IL6R: variants seen among roughly 807,000 people sequenced by gnomAD.
IL6R encodes interleukin 6 receptor.
A neutral mutation model predicts 48.3 loss-of-function variants in IL6R; 38 were observed. That is an observed-to-expected ratio of 0.79 (90% CI 0.61 to 1.03). The LOEUF is 1.03. Among genes scored for constraint, IL6R ranks in the 50% least tolerant of loss-of-function variants. The probability of loss-of-function intolerance (pLI) is 0.00; values close to 1 mark genes in which losing one functional copy is unlikely to be tolerated. For missense variants in IL6R, 534 were observed against 618.3 expected, an observed-to-expected ratio of 0.86 and a Z score of 1.45; for synonymous variants, 264 against 256.2, an observed-to-expected ratio of 1.03 and a Z score of -0.29.
chr1:154,410,770 C>A (rs1687976644), intron 1 of IL6R, among the ~76,000 whole-genome samples: 1 of 152,176 alleles, frequency 6.6e-6, no homozygotes, highest in South Asian at 2.1e-4. Flanking sequence ...GGCCCTGCAT[C>A]CAGCCTATTC....
chr1:154,458,005 C>T (rs1215731966), intron 9 of IL6R, among the ~76,000 whole-genome samples: 6 of 131,212 alleles, frequency 4.6e-5, no homozygotes, highest in South Asian at 4.7e-4. Context: ...CTCGCTTTGT[C>T]GCCCAGGCTG....
At chr1:154,450,229 G>A (rs79005122) in intron 8 of IL6R, among the ~76,000 whole-genome samples, 10 of 151,808 alleles carry the variant, frequency 6.6e-5, no homozygotes, top group South Asian at 2.1e-4. Flanking sequence ...GAGTTCAAGC[G>A]ATTCTCCTGC....
intron 6 of IL6R, among the ~76,000 whole-genome samples, chr1:154,444,679 C>T (rs1183693254): frequency 6.6e-6 from 1 of 152,120 alleles, no homozygotes; most frequent in Non-Finnish European, 1.5e-5. Flanking sequence ...GGGAGGATTG[C>T]CTGAGCCCAG....
intron 1 of IL6R, among the ~76,000 whole-genome samples, chr1:154,419,028 T>C (rs145909430): frequency 0.014 from 2,077 of 151,910 alleles, 20 homozygotes; most frequent in Non-Finnish European, 0.021. Context: ...AGAAGGGAGC[T>C]GGGGGTGGAG....
chr1:154,451,041 T>A (rs2149264937), intron 8 of IL6R, among the ~76,000 whole-genome samples: 1 of 152,214 alleles, frequency 6.6e-6, no homozygotes, highest in Non-Finnish European at 1.5e-5. Flanking sequence ...AAGAGTAAAT[T>A]GGTAACTGTG....
chr1:154,438,005 C>T (rs113588579), intron 6 of IL6R, among the ~76,000 whole-genome samples: 2,182 of 152,088 alleles, frequency 0.014, 61 homozygotes, highest in African/African-American at 0.05. Context: ...TGAGCCACCG[C>T]GCCTGGCCTA....
chr1:154,408,299 A>G (rs1687844468), intron 1 of IL6R, among the ~76,000 whole-genome samples: 2 of 152,142 alleles, frequency 1.3e-5, no homozygotes, highest in Admixed American at 6.5e-5. Flanking sequence ...GTTGCCAGAA[A>G]TCTCTCCTTG....
intron 6 of IL6R, among the ~76,000 whole-genome samples, chr1:154,441,592 G>A (rs775837290): frequency 1.3e-5 from 2 of 152,112 alleles, no homozygotes; most frequent in Non-Finnish European, 2.9e-5. Flanking sequence ...GGAAATTGGC[G>A]GGCAGTTCTG....
chr1:154,440,775 C>G (rs1689889408), intron 6 of IL6R, among the ~76,000 whole-genome samples: 1 of 151,736 alleles, frequency 6.6e-6, no homozygotes, highest in African/African-American at 2.4e-5. Context: ...CGTGCCTCAG[C>G]CTCCCGAGTA....
At chr1:154,406,600 A>T (rs1482090935) in intron 1 of IL6R, 1 of 152,234 alleles carries the variant, frequency 6.6e-6, no homozygotes, top group African/African-American at 2.4e-5. Context: ...CACAGCAGAA[A>T]ACTAAGGGGC....
chr1:154,451,693 C>T (rs550385465), intron 8 of IL6R, among the ~76,000 whole-genome samples: 38 of 151,874 alleles, frequency 2.5e-4, no homozygotes, highest in Non-Finnish European at 3.8e-4. Context: ...TGCACCACCA[C>T]GCCTGGCTAA....
intron 6 of IL6R, among the ~76,000 whole-genome samples, chr1:154,447,212 A>C (rs1238115016): frequency 6.6e-6 from 1 of 151,546 alleles, no homozygotes; most frequent in Non-Finnish European, 1.5e-5. Flanking sequence ...GCCAAAGCGG[A>C]TAGATCACCT....
intron 9 of IL6R, 87 bp downstream of exon 9, chr1:154,454,668 T>C (rs976655581): frequency 2.3e-5 from 20 of 881,592 alleles, no homozygotes; most frequent in Non-Finnish European, 3.4e-5. Flanking sequence ...TTATGGTGCA[T>C]TTATTCATTC....
chr1:154,451,284 G>A (rs571005297), intron 8 of IL6R, among the ~76,000 whole-genome samples: 14 of 152,244 alleles, frequency 9.2e-5, no homozygotes, highest in Middle Eastern at 3.4e-3. Flanking sequence ...TTGGGAGGCC[G>A]AGGTAGGAGA....
intron 1 of IL6R, among the ~76,000 whole-genome samples, chr1:154,422,450 T>C (rs558829760): frequency 3.9e-4 from 60 of 152,336 alleles, no homozygotes; most frequent in African/African-American, 1.3e-3. Flanking sequence ...TTTTAAGTTC[T>C]AGGGCTTTGT....
At chr1:154,430,446 C>T (rs1273820666) in intron 2 of IL6R, 37 bp from the exon 3 acceptor site, 18 of 1,608,306 alleles carry the variant, frequency 1.1e-5, no homozygotes, top group Middle Eastern at 2.1e-4. Context: ...CCAGGATCCC[C>T]GCCCGCCTGC....
At chr1:154,455,450 CTTTTCTTTTT>C (rs1201224927) in intron 9 of IL6R, among the ~76,000 whole-genome samples, 15 of 142,950 alleles carry the variant, frequency 1.0e-4, no homozygotes, top group Admixed American at 9.6e-4. Context: ...TCTTTCTTTT[CTTTTCTTTTT>C]TTTTTTTTTT....
At chr1:154,449,250 C>G (rs796759441) in intron 7 of IL6R, among the ~76,000 whole-genome samples, 16 of 151,176 alleles carry the variant, frequency 1.1e-4, no homozygotes, top group African/African-American at 3.1e-4. Flanking sequence ...CACAGGGGCT[C>G]ACACCTGTAA....
At chr1:154,455,988 C>T (rs1203484119) in intron 9 of IL6R, among the ~76,000 whole-genome samples, 3 of 151,708 alleles carry the variant, frequency 2.0e-5, no homozygotes, top group Non-Finnish European at 2.9e-5. Context: ...ACCTGGGAAG[C>T]GGAGGTTGCA....
Sources: gnomAD v4.1 joint callset for allele counts (sites outside exome capture counted in the v4.1 genomes callset) on GRCh38, gnomAD v4.1.1 for gene constraint, MANE v1.5 for transcripts, NCBI Gene and HGNC (gene_info 2026-07-23, HGNC 2026-07-21) for gene names.